CREB3L2: variants seen among roughly 807,000 people sequenced by gnomAD.
CREB3L2 encodes the protein cyclic AMP-responsive element-binding protein 3-like protein 2.
In CREB3L2, 23 loss-of-function variants were observed where a neutral mutation model predicts 57.2. The observed-to-expected ratio is 0.40, with a 90% confidence interval of 0.29 to 0.57. The LOEUF (loss-of-function observed/expected upper bound fraction) is 0.57. CREB3L2 is among the 20% of genes least tolerant of loss of function. The pLI is 0.42. For synonymous variants in CREB3L2, 268 were observed against 265.1 expected, an observed-to-expected ratio of 1.01 and a Z score of -0.11; for missense variants, 628 against 634.7, an observed-to-expected ratio of 0.99 and a Z score of 0.11.
At chr7:137,885,587 C>A in intron 8 of CREB3L2, 85 bp from the exon 9 acceptor site, 1 of 1,077,996 alleles carries the variant, frequency 9.3e-7, no homozygotes. Context: ...AGAAGGCCGC[C>A]GTGCCTTTGT....
chr7:137,930,484 G>A (rs1800592373), intron 1 of CREB3L2, among the ~76,000 whole-genome samples: 1 of 152,226 alleles, frequency 6.6e-6, no homozygotes, highest in Admixed American at 6.5e-5. Context: ...CACCAGAAGG[G>A]AAGATGGGAG....
At chr7:137,884,856 C>T in intron 10 of CREB3L2, 139 bp downstream of exon 10, 1 of 1,238,498 alleles carries the variant, frequency 8.1e-7, no homozygotes, top group Non-Finnish European at 1.2e-6. Flanking sequence ...CCCCCACTTG[C>T]CTCTTCAAAG....
At chr7:137,907,687 A>G (rs1799920462) in intron 5 of CREB3L2, among the ~76,000 whole-genome samples, 1 of 152,214 alleles carries the variant, frequency 6.6e-6, no homozygotes, top group Non-Finnish European at 1.5e-5. Context: ...GGAGTTAACG[A>G]TCTATTCTTC....
intron 1 of CREB3L2, among the ~76,000 whole-genome samples, chr7:137,934,567 A>C (rs1255775122): frequency 3.3e-5 from 5 of 152,216 alleles, no homozygotes; most frequent in African/African-American, 1.2e-4. Flanking sequence ...AATCACAGGC[A>C]CTTTCTACAG....
At chr7:137,971,335 A>G (rs1054195485) in intron 1 of CREB3L2, among the ~76,000 whole-genome samples, 1 of 152,082 alleles carries the variant, frequency 6.6e-6, no homozygotes, top group Non-Finnish European at 1.5e-5. Context: ...CTGTAGTCCC[A>G]GCTACTCGGG....
intron 1 of CREB3L2, among the ~76,000 whole-genome samples, chr7:137,933,482 T>A (rs1800705457): frequency 6.6e-6 from 1 of 152,226 alleles, no homozygotes; most frequent in African/African-American, 2.4e-5. Flanking sequence ...GGATAACCAA[T>A]AATAAACGTT....
In CREB3L2 at chr7:137,922,575, C is replaced by T. The variant is rs113116728; in HGVS notation, c.319+5575G>A. 13 of 427,678 alleles carry T rather than the reference C, an allele frequency of 3.0e-5. 1 individual carries two copies. Among genetic ancestry groups the T allele is most frequent in the African/African-American group, 8.2e-5 (4 of 48,998 alleles). 26.5% of individuals were successfully genotyped at this position (427,678 alleles called of 1,614,324 possible). ...ATTCTTAAAAAGGGAAATCAGATGA[C>T]GTACTACCACTTACATGAGAAAAAC... is the stretch of plus-strand genomic sequence containing the variant. On this transcript the variant is annotated intron_variant, in intron 2 of 11. Transcript: ENST00000330387.
intron 1 of CREB3L2, chr7:137,955,444 G>A (rs997220095): frequency 8.0e-5 from 40 of 498,618 alleles, no homozygotes; most frequent in South Asian, 4.5e-4. Flanking sequence ...AAACTTACAC[G>A]TCCGGTTCAG....
chr7:137,908,261 C>T lies in CREB3L2; in HGVS notation c.759G>A (p.Thr253=), dbSNP rs1038743978. 1.5e-5 allele frequency: 19 copies of T among 1,258,122 alleles called. No homozygotes were observed. The South Asian group carries it at 1.6e-4, about 10-fold the overall frequency. 77.9% of individuals were successfully genotyped at this position (1,258,122 alleles called of 1,614,324 possible). The change falls in exon 5 of 12, where the codon ACG becomes ACA. Residue 253 remains threonine, a synonymous_variant. Transcript: ENST00000330387. ...CCCGCTGCATACTTACATGAGGAGCCGTGAGGAGAGGGGAGCTGGAGAGGG... is the reference window on the plus strand; with the variant it reads ...CCCGCTGCATACTTACATGAGGAGCTGTGAGGAGAGGGGAGCTGGAGAGGG... ...PSALSSSPLL[T]APHKLQGSGP...
At chr7:137,933,032 T>G (rs931006965) in intron 1 of CREB3L2, among the ~76,000 whole-genome samples, 1 of 152,168 alleles carries the variant, frequency 6.6e-6, no homozygotes, top group African/African-American at 2.4e-5. Context: ...AGCAGAACAG[T>G]GGCAAGGCTA....
Position 137,908,388 on chromosome 7 carries a change from C to G in CREB3L2, c.632G>C (p.Gly211Ala). 7.9e-7 allele frequency: 1 copy of G among 1,262,570 alleles called. No individual in the cohort carries two copies. The highest frequency in any genetic ancestry group is 1.0e-6 in the Non-Finnish European group (1 of 995,636). The allele number at this position is 1,262,570 out of a possible 1,614,324, so 78.2% of individuals were successfully genotyped here. A position where few individuals can be genotyped will look rare whatever the true frequency, so the allele number is the denominator to read the frequency against. ...HLPPTPPSSH[G>A]SDSEGSLSPN... Reference sequence around the variant, plus strand: ...ACTCAGGCTGCCCTCTGAGTCACTGCCGTGACTGCTCGGAGGGGTGGGCGG... The same window carrying G: ...ACTCAGGCTGCCCTCTGAGTCACTGGCGTGACTGCTCGGAGGGGTGGGCGG... The change falls in exon 5 of 12, where the codon GGC becomes GCC. Residue 211 changes from glycine (G) to alanine (A), a missense_variant. Coordinates refer to ENST00000330387, the MANE Select transcript of CREB3L2 (RefSeq NM_194071.4).
At chr7:137,893,971 A>G (rs1025270912) in intron 8 of CREB3L2, among the ~76,000 whole-genome samples, 3 of 152,148 alleles carry the variant, frequency 2.0e-5, no homozygotes, top group African/African-American at 7.2e-5. Flanking sequence ...GCTTGCCAAA[A>G]TGTGGTAGTA....
intron 1 of CREB3L2, among the ~76,000 whole-genome samples, chr7:137,943,402 C>T (rs1038938256): frequency 6.6e-6 from 1 of 152,162 alleles, no homozygotes; most frequent in South Asian, 2.1e-4. Flanking sequence ...GTGATCTCTG[C>T]CCTTTCAACA....
intron 7 of CREB3L2, among the ~76,000 whole-genome samples, chr7:137,902,343 T>C (rs1799781022): frequency 6.6e-6 from 1 of 152,190 alleles, no homozygotes; most frequent in African/African-American, 2.4e-5. Flanking sequence ...CCCATCATAC[T>C]TCTCCCTCTA....
rs758355720 is a variant in CREB3L2, at chr7:137,880,116, C to A, written c.*360G>T. ...GTCTGGGGTCTTGACTGAACAAGAG[C>A]CATCTCGTCTCCAAAGCGGGGGGTT... is the stretch of plus-strand genomic sequence containing the variant. On this transcript the variant is annotated 3_prime_UTR_variant, in exon 12 of 12. Transcript: ENST00000330387. This position sits in a 1 kb window ranked among gnomAD's most constrained non-coding sequence, Gnocchi z 4.0. 5.9e-6 allele frequency: 2 copies of A among 341,252 alleles called. No homozygotes were observed. Among genetic ancestry groups the A allele is most frequent in the Admixed American group, 4.4e-5 (1 of 22,826 alleles). 21.1% of individuals were successfully genotyped at this position (341,252 alleles called of 1,614,324 possible).
chr7:137,985,411 A>G (rs1801776510), intron 1 of CREB3L2, among the ~76,000 whole-genome samples: 1 of 152,204 alleles, frequency 6.6e-6, no homozygotes, highest in Non-Finnish European at 1.5e-5. Flanking sequence ...GTGTATGGAC[A>G]GCATTCCAAA....
chr7:137,919,178 T>C (rs1039213402), intron 2 of CREB3L2, among the ~76,000 whole-genome samples: 2 of 150,894 alleles, frequency 1.3e-5, no homozygotes, highest in African/African-American at 4.9e-5. Flanking sequence ...AAGATATCTT[T>C]TTTTTTTTTT....
chr7:137,955,381 A>C (rs1470487121), intron 1 of CREB3L2: 1 of 1,138,548 alleles, frequency 8.8e-7, no homozygotes, highest in African/African-American at 1.6e-5. Flanking sequence ...CAGTCTTATG[A>C]TTAGTTCTTC....
At chr7:137,972,734 T>TAC (rs1801537952) in intron 1 of CREB3L2, among the ~76,000 whole-genome samples, 1 of 23,436 alleles carries the variant, frequency 4.3e-5, no homozygotes, top group Non-Finnish European at 7.0e-5. Flanking sequence ...TATATATATA[T>TAC]ATAGAGAGAG....
Sources: gnomAD v4.1 joint callset for allele counts (sites outside exome capture counted in the v4.1 genomes callset) on GRCh38, gnomAD v4.1.1 for gene constraint, Gnocchi (gnomAD v3.1) non-coding constraint, MANE v1.5 for transcripts, NCBI Gene and HGNC (gene_info 2026-07-23, HGNC 2026-07-21) for gene names.